The following ZMIZ1 variants were observed in gnomAD, a reference collection of about 807,000 sequenced individuals.
ZMIZ1 encodes zinc finger MIZ-type containing 1, also known as zinc finger MIZ domain-containing protein 1.
Under a neutral mutation model 113.9 loss-of-function variants are expected in ZMIZ1, and 17 were observed. That is an observed-to-expected ratio of 0.15 (90% CI 0.10 to 0.22). ZMIZ1 has a LOEUF of 0.22. ZMIZ1 is among the 10% of genes least tolerant of loss of function. The probability of loss-of-function intolerance (pLI) is 1.00; values close to 1 mark genes in which losing one functional copy is unlikely to be tolerated. For missense variants in ZMIZ1, 1,059 were observed against 1,477.8 expected (o/e 0.72, Z 4.65); for synonymous variants, 607 against 603.1 (o/e 1.01, Z -0.09).
Position 79,297,707 on chromosome 10 carries a change from T to C in ZMIZ1, c.1491+17T>C. ...GTCAACAGGGTATGTTCCAATTTAATTTACAAATTCTAAGCCACAGGGAGT... is the reference window on the plus strand; with the variant it reads ...GTCAACAGGGTATGTTCCAATTTAACTTACAAATTCTAAGCCACAGGGAGT... On this transcript the variant is annotated intron_variant, in intron 14 of 24. Coordinates refer to ENST00000334512, the MANE Select transcript of ZMIZ1 (RefSeq NM_020338.4). The C allele has an allele frequency of 1.9e-6, 3 of 1,611,050 alleles. No individual in the cohort carries two copies. Among genetic ancestry groups the C allele is most frequent in the South Asian group, 1.1e-5 (1 of 91,028 alleles).
intron 4 of ZMIZ1, among the ~76,000 whole-genome samples, chr10:79,191,286 C>T (rs1177077872): frequency 1.3e-5 from 2 of 152,140 alleles, no homozygotes; most frequent in East Asian, 3.9e-4. Context: ...AGGGAGGGGA[C>T]AATGGAGAAT....
chr10:79,069,790 G>C lies in ZMIZ1; in HGVS notation c.-337+520G>C, dbSNP rs1842191623. ...GTTAACTTGTGCGTCTGAATTTCCA[G>C]GGAAAACATACACTTTTGTAAATGG... is the stretch of plus-strand genomic sequence containing the variant. On this transcript the variant is annotated intron_variant, in intron 1 of 24. Coordinates refer to ENST00000334512, the MANE Select transcript of ZMIZ1 (RefSeq NM_020338.4). The surrounding 1 kb of genome is among the most constrained non-coding windows in gnomAD (Gnocchi z 4.6). Among the ~76,000 whole-genome samples the C allele has an allele frequency of 6.6e-6, 1 of 152,168 alleles. No homozygotes were observed. Among genetic ancestry groups the C allele is most frequent in the Admixed American group, 6.5e-5 (1 of 15,284 alleles).
intron 4 of ZMIZ1, among the ~76,000 whole-genome samples, chr10:79,200,729 G>C (rs2802364): frequency 0.38 from 57,598 of 151,990 alleles, 11,632 homozygotes; most frequent in Non-Finnish European, 0.47. Flanking sequence ...TTCCAGGAGG[G>C]CAAAGTGAAA....
intron 16 of ZMIZ1, among the ~76,000 whole-genome samples, chr10:79,300,256 T>A (rs2065591366): frequency 6.6e-6 from 1 of 152,194 alleles, no homozygotes; most frequent in African/African-American, 2.4e-5. Flanking sequence ...TGGTCACTGC[T>A]GGTTCCTGAC....
At chr10:79,074,231 G>A (rs1320147845) in intron 1 of ZMIZ1, among the ~76,000 whole-genome samples, 1 of 152,208 alleles carries the variant, frequency 6.6e-6, no homozygotes, top group Non-Finnish European at 1.5e-5. Flanking sequence ...AGGCCTTACC[G>A]ATACCAACCC....
chr10:79,299,246 A>T, intron 16 of ZMIZ1, 55 bp downstream of exon 16: 2 of 1,557,098 alleles, frequency 1.3e-6, no homozygotes, highest in South Asian at 1.2e-5. Flanking sequence ...GTCCCCTGGG[A>T]TGGCTTCCTT....
chr10:79,260,691 C>T (rs1209890710), intron 7 of ZMIZ1, among the ~76,000 whole-genome samples: 2 of 152,120 alleles, frequency 1.3e-5, no homozygotes, highest in Non-Finnish European at 2.9e-5. Context: ...AGAAATGGAA[C>T]GGTGAGGTGG....
At chr10:79,085,330 C>A (rs1842775637) in intron 1 of ZMIZ1, among the ~76,000 whole-genome samples, 1 of 151,934 alleles carries the variant, frequency 6.6e-6, no homozygotes, top group Non-Finnish European at 1.5e-5. Context: ...CCTCCTCAAG[C>A]TGGGGGTGGG....
At chr10:79,150,233 C>G (rs764126479) in intron 3 of ZMIZ1, among the ~76,000 whole-genome samples, 3 of 152,236 alleles carry the variant, frequency 2.0e-5, no homozygotes, top group Non-Finnish European at 4.4e-5. Context: ...ACAGGAAGCC[C>G]TGCCCAGACA....
intron 19 of ZMIZ1, among the ~76,000 whole-genome samples, chr10:79,304,545 CGTGA>C (rs1854552860): frequency 2.0e-5 from 3 of 152,194 alleles, no homozygotes; most frequent in Non-Finnish European, 4.4e-5. Context: ...GTAGCCCTGG[CGTGA>C]GTGACAGCCC....
At chr10:79,201,794 C>G in intron 5 of ZMIZ1, 102 bp downstream of exon 5, 1 of 1,274,382 alleles carries the variant, frequency 7.8e-7, no homozygotes, top group South Asian at 1.2e-5. Context: ...GCAGGGCCTC[C>G]TGACCACCTA....
chr10:79,262,498 A>G (rs1019369193), intron 7 of ZMIZ1, among the ~76,000 whole-genome samples: 1 of 152,270 alleles, frequency 6.6e-6, no homozygotes, highest in African/African-American at 2.4e-5. Flanking sequence ...GCCAGGAAGC[A>G]CCAGATGTAA....
Position 79,312,843 on chromosome 10 carries a change from C to A in ZMIZ1, c.*94C>A. 1 of 1,230,968 alleles carries A rather than the reference C, an allele frequency of 8.1e-7. No individual in the cohort carries two copies. Among genetic ancestry groups the A allele is most frequent in the South Asian group, 1.3e-5 (1 of 77,458 alleles). The allele number at this position is 1,230,968 out of a possible 1,614,324, so 76.3% of individuals were successfully genotyped here. Reference sequence around the variant, plus strand: ...CCTGGGAGCCTGTGCCCTCAGACCGCCCCGCACCAGAGCCACGGGCTGTGG... The same window carrying A: ...CCTGGGAGCCTGTGCCCTCAGACCGACCCGCACCAGAGCCACGGGCTGTGG... On this transcript the variant is annotated 3_prime_UTR_variant, in exon 25 of 25. Transcript: ENST00000334512.
chr10:79,090,681 G>A (rs1054416712), intron 1 of ZMIZ1, among the ~76,000 whole-genome samples: 3 of 152,208 alleles, frequency 2.0e-5, no homozygotes, highest in East Asian at 1.9e-4. Context: ...GCAGCGGTGC[G>A]TTTCCTTTCA....
intron 6 of ZMIZ1, among the ~76,000 whole-genome samples, chr10:79,213,875 G>C (rs1248998934): frequency 1.3e-5 from 2 of 152,106 alleles, no homozygotes; most frequent in Admixed American, 6.5e-5. Context: ...CTATCTCGTG[G>C]AGCTGCTGAA....
chr10:79,188,474 A>G (rs1316580988), intron 4 of ZMIZ1, among the ~76,000 whole-genome samples: 1 of 152,198 alleles, frequency 6.6e-6, no homozygotes. Context: ...CAAGGTGGCC[A>G]TGGCTTTCAT....
intron 1 of ZMIZ1, among the ~76,000 whole-genome samples, chr10:79,076,762 A>G (rs1842488566): frequency 1.3e-5 from 2 of 152,152 alleles, no homozygotes; most frequent in African/African-American, 4.8e-5. Flanking sequence ...ACTTGAACCC[A>G]TGAGGTGGAG....
rs776531442 is a variant in ZMIZ1, at chr10:79,296,139, C to T, written c.1231-332C>T. On this transcript the variant is annotated intron_variant, in intron 12 of 24. Coordinates refer to ENST00000334512, the MANE Select transcript of ZMIZ1 (RefSeq NM_020338.4). The surrounding 1 kb of genome is among the most constrained non-coding windows in gnomAD (Gnocchi z 4.1). ...TTGGGGAGCACAGCCCTAACCCAGG[C>T]ACCAGGAGAGACACAAAGGTCGGGG... The T allele has an allele frequency of 1.3e-4, 46 of 356,290 alleles. No individual in the cohort carries two copies. Among genetic ancestry groups the T allele is most frequent in the Non-Finnish European group, 2.0e-4 (38 of 192,604 alleles). The allele number at this position is 356,290 out of a possible 1,614,324, so 22.1% of individuals were successfully genotyped here. A position where few individuals can be genotyped will look rare whatever the true frequency, so the allele number is the denominator to read the frequency against.
intron 8 of ZMIZ1, among the ~76,000 whole-genome samples, chr10:79,287,444 A>G (rs1853157780): frequency 6.6e-6 from 1 of 152,264 alleles, no homozygotes; most frequent in Non-Finnish European, 1.5e-5. Flanking sequence ...CGAGTCCTGC[A>G]GTTTCCCCAG....
Sources: gnomAD v4.1 joint callset for allele counts (sites outside exome capture counted in the v4.1 genomes callset) on GRCh38, gnomAD v4.1.1 for gene constraint, Gnocchi (gnomAD v3.1) non-coding constraint, MANE v1.5 for transcripts, NCBI Gene and HGNC (gene_info 2026-07-23, HGNC 2026-07-21) for gene names.